SLC44A5: variants seen among roughly 807,000 people sequenced by gnomAD.
SLC44A5 encodes the protein solute carrier family 44 member 5, also known as choline transporter-like protein 5.
A neutral mutation model predicts 101.8 loss-of-function variants in SLC44A5; 57 were observed. The ratio of observed to expected loss-of-function variants is 0.56; its 90% CI spans 0.45 to 0.70. SLC44A5 has a LOEUF of 0.70. Among genes scored for constraint, SLC44A5 ranks in the 30% least tolerant of loss-of-function variants. SLC44A5 has a pLI of 0.00. For missense variants in SLC44A5, 737 were observed against 853.1 expected, an observed-to-expected ratio of 0.86 and a Z score of 1.70; for synonymous variants, 281 against 290.9, an observed-to-expected ratio of 0.97 and a Z score of 0.35.
intron 2 of SLC44A5, among the ~76,000 whole-genome samples, chr1:75,397,199 C>A (rs974472582): frequency 1.3e-5 from 2 of 152,104 alleles, no homozygotes; most frequent in African/African-American, 4.8e-5. Flanking sequence ...TTGGAAGGTA[C>A]AAATTATGGT....
intron 1 of SLC44A5, among the ~76,000 whole-genome samples, chr1:75,578,298 C>T (rs1335438386): frequency 1.3e-5 from 2 of 152,038 alleles, no homozygotes; most frequent in Non-Finnish European, 2.9e-5. Context: ...TTCACTCAAG[C>T]TCTGTGATTA....
chr1:75,673,489 G>A, the SLC44A5 span, among the ~76,000 whole-genome samples: 1 of 152,108 alleles, frequency 6.6e-6, no homozygotes, highest in Admixed American at 6.6e-5. Context: ...GAAGGGGGGA[G>A]CTCACTGCCC....
At chr1:75,676,957 G>A in the SLC44A5 span, among the ~76,000 whole-genome samples, 1 of 152,082 alleles carries the variant, frequency 6.6e-6, no homozygotes, top group East Asian at 1.9e-4. Flanking sequence ...GGAGAGAGTG[G>A]CATGACATAT....
rs540162829 is a variant in SLC44A5, at chr1:75,423,225, C to A, written c.14-26604G>T. 7.7e-4 allele frequency among the ~76,000 whole-genome samples: 117 copies of A among 152,272 alleles called. 1 individual carries two copies. Among genetic ancestry groups the A allele is most frequent in the African/African-American group, 2.7e-3 (114 of 41,552 alleles). On this transcript the variant is annotated intron_variant, in intron 2 of 23. Coordinates refer to ENST00000370859, the MANE Select transcript of SLC44A5 (RefSeq NM_001130058.2). ...CACATATGGCAATTTCATACATACA[C>A]CGTGAAACAACGCTTAGCAACCTGC...
the SLC44A5 span, among the ~76,000 whole-genome samples, chr1:75,655,523 C>T: frequency 0.26 from 39,260 of 152,070 alleles, 5,424 homozygotes; most frequent in Middle Eastern, 0.37. Flanking sequence ...TGCAAGCTCT[C>T]GTACTACACT....
At chr1:75,531,749 T>C (rs1670732097) in intron 2 of SLC44A5, among the ~76,000 whole-genome samples, 1 of 152,224 alleles carries the variant, frequency 6.6e-6, no homozygotes, top group Admixed American at 6.5e-5. Context: ...TTATGTCACT[T>C]TGCTGGTCAA....
chr1:75,214,694 G>T lies in SLC44A5; in HGVS notation c.1729-16C>A. 1.9e-6 allele frequency: 3 copies of T among 1,605,544 alleles called. No individual in the cohort carries two copies. The South Asian group carries it at 3.3e-5, about 18-fold the overall frequency. ...ATATTGCAATCTGAGGAAGACAGTG[G>T]CTATTATTCTGGAGCCAGTAACATA... On this transcript the variant is annotated splice_polypyrimidine_tract_variant and intron_variant, in intron 19 of 23. Coordinates refer to ENST00000370859, the MANE Select transcript of SLC44A5 (RefSeq NM_001130058.2).
chr1:75,210,996 T>C (rs752383509), intron 23 of SLC44A5, among the ~76,000 whole-genome samples: 5 of 152,196 alleles, frequency 3.3e-5, no homozygotes, highest in Non-Finnish European at 7.3e-5. Context: ...AACATGTCCA[T>C]AACCTCCCAT....
intron 3 of SLC44A5, among the ~76,000 whole-genome samples, chr1:75,357,862 C>G (rs1348597229): frequency 6.6e-6 from 1 of 152,180 alleles, no homozygotes; most frequent in Non-Finnish European, 1.5e-5. Context: ...GATAAGCATG[C>G]GTCAAAGAGT....
At chr1:75,279,622 T>A (rs1652224003) in intron 5 of SLC44A5, among the ~76,000 whole-genome samples, 1 of 149,360 alleles carries the variant, frequency 6.7e-6, no homozygotes, top group Admixed American at 6.6e-5. Context: ...TGAAAAAACC[T>A]TTTTTTTGTT....
At chr1:75,449,255 T>C (rs1665758970) in intron 2 of SLC44A5, among the ~76,000 whole-genome samples, 1 of 152,236 alleles carries the variant, frequency 6.6e-6, no homozygotes, top group African/African-American at 2.4e-5. Flanking sequence ...CTTTCAATTA[T>C]GTCTTGCCAC....
At chr1:75,705,076 C>A in the SLC44A5 span, among the ~76,000 whole-genome samples, 2 of 152,072 alleles carry the variant, frequency 1.3e-5, no homozygotes, top group Admixed American at 6.6e-5. Flanking sequence ...AGATAATATA[C>A]CTACTATGTG....
chr1:75,620,296 T>C, the SLC44A5 span, among the ~76,000 whole-genome samples: 2 of 152,172 alleles, frequency 1.3e-5, no homozygotes, highest in African/African-American at 4.8e-5. Context: ...TAAACATACA[T>C]GTGCATGTGT....
chr1:75,538,455 A>G (rs1671172855), intron 2 of SLC44A5, among the ~76,000 whole-genome samples: 1 of 152,194 alleles, frequency 6.6e-6, no homozygotes, highest in African/African-American at 2.4e-5. Context: ...CTTACAATAT[A>G]TTTTTTAAAT....
chr1:75,318,657 C>T (rs1159406704), intron 4 of SLC44A5, among the ~76,000 whole-genome samples: 1 of 152,146 alleles, frequency 6.6e-6, no homozygotes, highest in Non-Finnish European at 1.5e-5. Flanking sequence ...AAGAATGACA[C>T]ATAAGCCAGG....
At chr1:75,444,433 GACAGAGAA>G (rs1308950787) in intron 2 of SLC44A5, among the ~76,000 whole-genome samples, 14 of 135,056 alleles carry the variant, frequency 1.0e-4, no homozygotes, top group African/African-American at 3.7e-4. Context: ...GAGAAAGAAA[GACAGAGAA>G]AGAAAGAAAG....
At chr1:75,647,235 C>T in the SLC44A5 span, among the ~76,000 whole-genome samples, 1 of 152,210 alleles carries the variant, frequency 6.6e-6, no homozygotes, top group African/African-American at 2.4e-5. Context: ...AGCCCCAAGC[C>T]TTGGCCACTT....
chr1:75,611,913 G>A (rs191473321), upstream of SLC44A5, among the ~76,000 whole-genome samples: 2 of 152,006 alleles, frequency 1.3e-5, no homozygotes, highest in Admixed American at 1.3e-4. Flanking sequence ...CTACTGCACA[G>A]TCATGTTCTG....
At chr1:75,532,335 C>T (rs1670764253) in intron 2 of SLC44A5, among the ~76,000 whole-genome samples, 1 of 152,196 alleles carries the variant, frequency 6.6e-6, no homozygotes, top group African/African-American at 2.4e-5. Context: ...CTTCAGTTGT[C>T]TAATGCTTCA....
Sources: allele counts gnomAD v4.1 joint callset (sites outside exome capture counted in the v4.1 genomes callset), GRCh38; gene constraint gnomAD v4.1.1; transcripts MANE v1.5; gene names NCBI Gene and HGNC (gene_info 2026-07-23, HGNC 2026-07-21).